Variants in UBE3C observed in about 807,000 individuals in gnomAD.
UBE3C encodes ubiquitin protein ligase E3C, also known as ubiquitin-protein ligase E3C.
UBE3C carries 42 observed loss-of-function variants against 129.4 expected under a neutral mutation model. The observed-to-expected ratio is 0.32, with a 90% CI of 0.25 to 0.42. The LOEUF is 0.42. UBE3C is among the 10% of genes least tolerant of loss of function. UBE3C has a pLI of 1.00. For synonymous variants in UBE3C, 510 were observed against 492.4 expected, an observed-to-expected ratio of 1.04 and a Z score of -0.47; for missense variants, 1,049 against 1,319.1, an observed-to-expected ratio of 0.80 and a Z score of 3.17.
At chr7:157,140,402 A>G (rs192883063) in intron 1 of UBE3C, among the ~76,000 whole-genome samples, 16 of 152,150 alleles carry the variant, frequency 1.1e-4, no homozygotes, top group Non-Finnish European at 1.2e-4. Context: ...TGTGCTGATA[A>G]TTTTTCAGCT....
intron 19 of UBE3C, among the ~76,000 whole-genome samples, chr7:157,253,198 A>G (rs1796661954): frequency 6.6e-6 from 1 of 152,248 alleles, no homozygotes; most frequent in Non-Finnish European, 1.5e-5. Flanking sequence ...CAGACAAACA[A>G]ATATCACCAT....
intron 13 of UBE3C, among the ~76,000 whole-genome samples, chr7:157,211,480 T>C (rs1260561687): frequency 6.6e-6 from 1 of 152,182 alleles, no homozygotes; most frequent in Non-Finnish European, 1.5e-5. Flanking sequence ...TGCTGAAGAA[T>C]ACTGTTTTTC....
chr7:157,199,487 T>A (rs1275223158), intron 10 of UBE3C, among the ~76,000 whole-genome samples: 1 of 152,108 alleles, frequency 6.6e-6, no homozygotes, highest in Non-Finnish European at 1.5e-5. Flanking sequence ...TTTTATTTTT[T>A]TGAGTCTGAG....
At chr7:157,146,616 C>CAGATCTGTAGTAAACTGTACTACTTAGT (rs1807613025) in intron 1 of UBE3C, among the ~76,000 whole-genome samples, 1 of 152,090 alleles carries the variant, frequency 6.6e-6, no homozygotes, top group Non-Finnish European at 1.5e-5. Context: ...ATTACTGTAA[C>CAGATCTGTAGTAAACTGTACTACTTAGT]AGATCTGTAG....
rs756312692 is a variant in UBE3C, at chr7:157,267,758, C to T, written c.*3C>T. The T allele has an allele frequency of 2.5e-6, 4 of 1,596,764 alleles. No homozygotes were observed. Among genetic ancestry groups the T allele is most frequent in the South Asian group, 2.3e-5 (2 of 88,282 alleles). ...CCGCTGGCTTTGAGCTGAGCTGAAG[C>T]TGATGCTGGGGTCAGACCCCTACAG... On this transcript the variant is annotated 3_prime_UTR_variant, in exon 23 of 23. Coordinates refer to ENST00000348165, the MANE Select transcript of UBE3C (RefSeq NM_014671.3).
At chr7:157,228,101 G>A (rs913598278) in intron 17 of UBE3C, among the ~76,000 whole-genome samples, 3 of 152,196 alleles carry the variant, frequency 2.0e-5, no homozygotes, top group Admixed American at 6.5e-5. Context: ...ATTATTCCAC[G>A]TGTCATCTAG....
At chr7:157,258,981 A>G (rs1796828491) in intron 22 of UBE3C, among the ~76,000 whole-genome samples, 1 of 152,216 alleles carries the variant, frequency 6.6e-6, no homozygotes, top group Admixed American at 6.5e-5. Context: ...TTCCCTAAAT[A>G]TCTCAGCACA....
At chr7:157,184,360 A>T (rs1436783045) in intron 9 of UBE3C, among the ~76,000 whole-genome samples, 2 of 152,206 alleles carry the variant, frequency 1.3e-5, no homozygotes, top group Non-Finnish European at 2.9e-5. Context: ...TTTTTACCCT[A>T]TCCTGTGAAC....
At chr7:157,168,455 A>C (rs899640089) in intron 2 of UBE3C, among the ~76,000 whole-genome samples, 1 of 152,186 alleles carries the variant, frequency 6.6e-6, no homozygotes, top group Admixed American at 6.5e-5. Context: ...GCTCAAGAGA[A>C]ATGAAAACCT....
intron 17 of UBE3C, among the ~76,000 whole-genome samples, chr7:157,230,614 G>A (rs1418449779): frequency 6.7e-6 from 1 of 149,464 alleles, no homozygotes; most frequent in Non-Finnish European, 1.5e-5. Context: ...AGAATCACTT[G>A]AACCCGGGAG....
Position 157,182,080 on chromosome 7 carries a change from A to G in UBE3C, c.771-28A>G, listed in dbSNP as rs745479714. 3 of 1,529,756 alleles carry G rather than the reference A, an allele frequency of 2.0e-6. No homozygotes were observed. The Admixed American group carries it at 6.8e-5, about 35-fold the overall frequency. 94.8% of individuals were successfully genotyped at this position (1,529,756 alleles called of 1,614,324 possible). The stretch of plus-strand genomic sequence containing the variant: ...TGGATGGACAGTATAATTTGATTTT[A>G]TAAAAAGCTTCTGTTTTTCTTTTTC... On this transcript the variant is annotated intron_variant, in intron 7 of 22. Coordinates refer to ENST00000348165, the MANE Select transcript of UBE3C (RefSeq NM_014671.3).
In UBE3C at chr7:157,169,055, G is replaced by T; in HGVS notation, c.128G>T (p.Arg43Met). Reference protein sequence around the residue: ...QEERRKREEERRRLKNAIIIQ... With the variant: ...QEERRKREEEMRRLKNAIIIQ... Reference sequence around the variant, plus strand: ...CCTCCTTTTATTGTTTAGGAAGAAAGGCGAAGGTTGAAAAATGCAATAATT... The same window carrying T: ...CCTCCTTTTATTGTTTAGGAAGAAATGCGAAGGTTGAAAAATGCAATAATT... The change falls in exon 3 of 23, where the codon AGG (arginine) becomes ATG (methionine). Residue 43 changes from arginine (R) to methionine (M), a missense_variant. Arg to Met is a moderately conservative substitution (Grantham distance 91). Around this residue, in one of 4 missense-constraint regions of UBE3C, gnomAD observed 489 missense variants for 513.8 expected, o/e 0.95. Transcript: ENST00000348165. 2 of 1,613,630 alleles carry T rather than the reference G, an allele frequency of 1.2e-6. No homozygotes were observed. The highest frequency in any genetic ancestry group is 1.7e-6 in the Non-Finnish European group (2 of 1,179,750).
intron 4 of UBE3C, 136 bp downstream of exon 4, chr7:157,170,586 G>GAGAAGTT: frequency 1.1e-6 from 1 of 920,660 alleles, no homozygotes; most frequent in Non-Finnish European, 1.5e-6. Context: ...TCAGCTAGCT[G>GAGAAGTT]TGAGAGGTTA....
chr7:157,243,659 G>A (rs956264409), intron 18 of UBE3C, among the ~76,000 whole-genome samples: 2 of 152,200 alleles, frequency 1.3e-5, no homozygotes, highest in Non-Finnish European at 1.5e-5. Flanking sequence ...TAGTGCCAGG[G>A]TAGCTGTGTA....
At chr7:157,172,364 TTTTG>T (rs1417283915) in intron 4 of UBE3C, among the ~76,000 whole-genome samples, 1 of 152,130 alleles carries the variant, frequency 6.6e-6, no homozygotes, top group Non-Finnish European at 1.5e-5. Context: ...TTTTGGAAAT[TTTTG>T]TTTATCTGTG....
chr7:157,143,557 G>A (rs1052972926), intron 1 of UBE3C, among the ~76,000 whole-genome samples: 3 of 152,064 alleles, frequency 2.0e-5, no homozygotes, highest in Admixed American at 6.5e-5. Flanking sequence ...TAGCTTAAGC[G>A]TCAAGAAAGT....
At chr7:157,212,022 A>G (rs1008259423) in intron 13 of UBE3C, among the ~76,000 whole-genome samples, 2 of 152,232 alleles carry the variant, frequency 1.3e-5, no homozygotes, top group African/African-American at 4.8e-5. Flanking sequence ...TTTTTCTGAC[A>G]TGTTACTTTT....
chr7:157,175,810 A>G (rs1443920606), intron 5 of UBE3C, among the ~76,000 whole-genome samples: 6 of 152,228 alleles, frequency 3.9e-5, no homozygotes, highest in Non-Finnish European at 7.3e-5. Flanking sequence ...TTATTTCTTT[A>G]ATAAACTTTT....
chr7:157,220,943 C>A, intron 15 of UBE3C, 167 bp downstream of exon 15: 1 of 686,126 alleles, frequency 1.5e-6, no homozygotes, highest in Non-Finnish European at 2.4e-6. Flanking sequence ...GCCTCTAGCT[C>A]CATTGCGGCC....
Sources: gnomAD v4.1 joint callset for allele counts (sites outside exome capture counted in the v4.1 genomes callset) on GRCh38, gnomAD v4.1.1 for gene constraint, gnomAD v4.1.1 regional missense constraint, MANE v1.5 for transcripts, NCBI Gene and HGNC (gene_info 2026-07-23, HGNC 2026-07-21) for gene names.